Variants in WDR7 observed in about 807,000 individuals in gnomAD.
The protein encoded by WDR7 is WD repeat domain 7, also known as WD repeat-containing protein 7.
Under a neutral mutation model 169.4 loss-of-function variants are expected in WDR7, and 46 were observed. That is an observed-to-expected ratio of 0.27 (90% CI 0.21 to 0.35). The LOEUF (loss-of-function observed/expected upper bound fraction) is 0.35, where lower values mean the gene tolerates loss of function less well. Among genes scored for constraint, WDR7 ranks in the 10% least tolerant of loss-of-function variants. The probability of loss-of-function intolerance (pLI) is 1.00; values close to 1 mark genes in which losing one functional copy is unlikely to be tolerated. For synonymous variants in WDR7, 612 were observed against 666.8 expected, an observed-to-expected ratio of 0.92 and a Z score of 1.27; for missense variants, 1,534 against 1,859.3, an observed-to-expected ratio of 0.83 and a Z score of 3.22.
At chr18:56,980,618 A>G (rs1009179316) in intron 26 of WDR7, among the ~76,000 whole-genome samples, 1 of 152,244 alleles carries the variant, frequency 6.6e-6, no homozygotes, top group African/African-American at 2.4e-5. Flanking sequence ...GAAGAAAAGT[A>G]TAAAGTGTGG....
chr18:56,814,463 C>T (rs982976104), intron 19 of WDR7, among the ~76,000 whole-genome samples: 7 of 151,960 alleles, frequency 4.6e-5, no homozygotes, highest in African/African-American at 7.3e-5. Flanking sequence ...TTCTCATCTC[C>T]TCTCTGTGAT....
chr18:56,939,399 G>T lies in WDR7; in HGVS notation c.4064+6G>T. 6.4e-7 allele frequency: 1 copy of T among 1,561,144 alleles called. No individual in the cohort carries two copies. The highest frequency in any genetic ancestry group is 8.7e-7 in the Non-Finnish European group (1 of 1,154,710). The stretch of plus-strand genomic sequence containing the variant: ...TGTTTCCCAGCCATCTGCAGGTAAA[G>T]AAGCCTTCAAGAGCATGCAGAATAA... On this transcript the variant is annotated splice_donor_region_variant and intron_variant, in intron 25 of 27. Coordinates refer to ENST00000254442, the MANE Select transcript of WDR7 (RefSeq NM_015285.3).
chr18:57,025,628 G>A (rs113970749), intron 27 of WDR7, among the ~76,000 whole-genome samples: 16 of 152,196 alleles, frequency 1.1e-4, no homozygotes, highest in East Asian at 5.8e-4. Context: ...TGTGTTCAGC[G>A]CTATTATTAA....
intron 26 of WDR7, among the ~76,000 whole-genome samples, chr18:56,988,373 T>C (rs763860076): frequency 2.3e-4 from 35 of 152,164 alleles, no homozygotes; most frequent in Admixed American, 2.6e-4. Context: ...TGAGGCAAAA[T>C]TGACATTTCC....
intron 26 of WDR7, among the ~76,000 whole-genome samples, chr18:57,005,194 A>C (rs1019910487): frequency 6.6e-6 from 1 of 152,200 alleles, no homozygotes; most frequent in Non-Finnish European, 1.5e-5. Flanking sequence ...ATTATAAAAA[A>C]CTGTTTAAAA....
chr18:56,710,189 G>T (rs952075493), intron 12 of WDR7, among the ~76,000 whole-genome samples: 6 of 151,738 alleles, frequency 4.0e-5, no homozygotes, highest in Non-Finnish European at 4.4e-5. Flanking sequence ...ATTTTTAGTA[G>T]ACACGGGGTT....
At chr18:56,983,731 A>G (rs2047677056) in intron 26 of WDR7, among the ~76,000 whole-genome samples, 1 of 152,178 alleles carries the variant, frequency 6.6e-6, no homozygotes, top group Non-Finnish European at 1.5e-5. Context: ...TTATGGTAGC[A>G]TCTTACTAAA....
intron 11 of WDR7, among the ~76,000 whole-genome samples, chr18:56,695,990 C>T (rs1375844700): frequency 1.3e-5 from 2 of 152,072 alleles, no homozygotes; most frequent in Admixed American, 1.3e-4. Context: ...TTTTTTGTAT[C>T]AACTCTTCAA....
At chr18:56,827,747 A>G (rs1025069193) in intron 20 of WDR7, among the ~76,000 whole-genome samples, 1 of 152,196 alleles carries the variant, frequency 6.6e-6, no homozygotes, top group Non-Finnish European at 1.5e-5. Context: ...GCTTGAGAAG[A>G]TGGATATTCC....
At chr18:56,979,187 A>G (rs1168259097) in intron 26 of WDR7, among the ~76,000 whole-genome samples, 3 of 152,164 alleles carry the variant, frequency 2.0e-5, no homozygotes, top group African/African-American at 7.2e-5. Context: ...TTTGCAGTCT[A>G]TATACTCCTA....
chr18:57,032,564 A>G (rs1021299761), downstream of WDR7: 1 of 152,096 alleles, frequency 6.6e-6, no homozygotes, highest in African/African-American at 2.4e-5. Flanking sequence ...CATCACTTGC[A>G]TTACTGCCTG....
intron 21 of WDR7, among the ~76,000 whole-genome samples, chr18:56,915,176 G>A (rs1401911969): frequency 2.0e-5 from 3 of 152,130 alleles, no homozygotes; most frequent in East Asian, 1.9e-4. Flanking sequence ...AAAGCTTCTA[G>A]TTATAGAAGT....
At chr18:56,988,327 A>G (rs1599222878) in intron 26 of WDR7, among the ~76,000 whole-genome samples, 1 of 152,170 alleles carries the variant, frequency 6.6e-6, no homozygotes, top group Admixed American at 6.5e-5. Flanking sequence ...ATTGCTGCTC[A>G]TTGATATCAT....
chr18:57,002,872 A>G (rs1260138386), intron 26 of WDR7, among the ~76,000 whole-genome samples: 1 of 152,178 alleles, frequency 6.6e-6, no homozygotes, highest in East Asian at 1.9e-4. Context: ...CATTTCAGTG[A>G]TAAATGTATT....
At chr18:56,927,578 C>T (rs1001377700) in intron 22 of WDR7, among the ~76,000 whole-genome samples, 1 of 152,110 alleles carries the variant, frequency 6.6e-6, no homozygotes, top group Admixed American at 6.5e-5. Flanking sequence ...CGAACCACTG[C>T]ACTCCAGCAT....
At chr18:56,888,684 T>C (rs545425041) in intron 21 of WDR7, among the ~76,000 whole-genome samples, 2 of 152,222 alleles carry the variant, frequency 1.3e-5, no homozygotes, top group African/African-American at 2.4e-5. Flanking sequence ...CATTCTTTCA[T>C]TGGGTCTCTT....
intron 25 of WDR7, chr18:56,957,617 C>T (rs1214432807): frequency 5.9e-5 from 9 of 152,134 alleles, no homozygotes; most frequent in African/African-American, 2.4e-5. Flanking sequence ...CATAATACCT[C>T]GGTTACTTTT....
At chr18:56,744,255 A>G (rs1389778501) in intron 14 of WDR7, among the ~76,000 whole-genome samples, 4 of 140,534 alleles carry the variant, frequency 2.8e-5, no homozygotes, top group East Asian at 2.0e-4. Flanking sequence ...GAAAAAAAAA[A>G]AAAAAAAAAA....
In WDR7 at chr18:56,696,432, T is replaced by A; in HGVS notation, c.1548T>A (p.Thr516=). 1 of 1,613,926 alleles carries A rather than the reference T, an allele frequency of 6.2e-7. No individual in the cohort carries two copies. Among genetic ancestry groups the A allele is most frequent in the Non-Finnish European group, 8.5e-7 (1 of 1,179,916 alleles). The change falls in exon 12 of 28, where the codon ACT becomes ACA. Residue 516 remains threonine (T), a synonymous_variant. Transcript: ENST00000254442. ...HIFCVHGGEI[T]QLLVPPENCS... ...TCTGTGTTCATGGTGGTGAGATTAC[T>A]CAACTTCTAGTTCCACCTGAAAACT... is the stretch of plus-strand genomic sequence containing the variant.
Sources: allele counts gnomAD v4.1 joint callset (sites outside exome capture counted in the v4.1 genomes callset), GRCh38; gene constraint gnomAD v4.1.1; transcripts MANE v1.5; gene names NCBI Gene and HGNC (gene_info 2026-07-23, HGNC 2026-07-21).